The following ARAP2 variants were observed in gnomAD, a reference collection of about 807,000 sequenced individuals.
ARAP2 encodes ArfGAP with RhoGAP domain, ankyrin repeat and PH domain 2, also known as arf-GAP with Rho-GAP domain, ANK repeat and PH domain-containing protein 2.
In ARAP2, 148 loss-of-function variants were observed where a neutral mutation model predicts 194.5. That is an observed-to-expected ratio of 0.76 (90% confidence interval 0.67 to 0.87). The LOEUF (loss-of-function observed/expected upper bound fraction) is 0.87. Ranked by LOEUF, ARAP2 falls within the 40% of genes least tolerant of loss-of-function variation. ARAP2 has a pLI of 0.00. For synonymous variants in ARAP2, 695 were observed against 683.5 expected (o/e 1.02, Z -0.26); for missense variants, 2,128 against 1,989.7 (o/e 1.07, Z -1.32).
At chr4:36,200,440 A>G (rs1474652089) in intron 6 of ARAP2, among the ~76,000 whole-genome samples, 1 of 152,104 alleles carries the variant, frequency 6.6e-6, no homozygotes, top group East Asian at 1.9e-4. Context: ...TTTTTAGTAG[A>G]GATGGGGTTT....
chr4:36,224,233 A>G (rs200910277), intron 2 of ARAP2, among the ~76,000 whole-genome samples: 2 of 139,786 alleles, frequency 1.4e-5, no homozygotes, highest in Non-Finnish European at 3.2e-5. Flanking sequence ...ATAAATAAAT[A>G]AATGAATAAA....
chr4:36,158,629 T>G, intron 15 of ARAP2, 101 bp downstream of exon 15: 2 of 1,021,096 alleles, frequency 2.0e-6, no homozygotes, highest in East Asian at 2.7e-5. Context: ...TACTTGGAGA[T>G]CAAATCTAAC....
intron 20 of ARAP2, among the ~76,000 whole-genome samples, chr4:36,130,716 C>T (rs557656304): frequency 6.6e-6 from 1 of 151,968 alleles, no homozygotes; most frequent in South Asian, 2.1e-4. Context: ...AAAATTATGT[C>T]TTATTTTCTG....
At chr4:36,016,677 ACT>A (rs1233570628) in intron 6 of ARAP2, among the ~76,000 whole-genome samples, 1 of 152,094 alleles carries the variant, frequency 6.6e-6, no homozygotes, top group Non-Finnish European at 1.5e-5. Context: ...ACTTTTTGAT[ACT>A]CTTTTAATTT....
intron 14 of ARAP2, among the ~76,000 whole-genome samples, 166 bp downstream of exon 14, chr4:36,159,165 C>A (rs932606096): frequency 2.6e-5 from 4 of 152,164 alleles, no homozygotes; most frequent in African/African-American, 9.7e-5. Flanking sequence ...CTAAACTTTT[C>A]ATTGAAATGA....
At chr4:36,058,191 A>G (rs1216635018) in intron 1 of ARAP2, 3 of 152,216 alleles carry the variant, frequency 2.0e-5, no homozygotes, top group African/African-American at 7.2e-5. Context: ...TAGTATCATG[A>G]GACTACAAAC....
intron 30 of ARAP2, among the ~76,000 whole-genome samples, chr4:36,081,276 T>A (rs769637104): frequency 6.6e-6 from 1 of 152,104 alleles, no homozygotes. Context: ...TTGGGGCATT[T>A]GAGCTATGAT....
intron 9 of ARAP2, among the ~76,000 whole-genome samples, chr4:36,171,647 G>C (rs896911789): frequency 6.6e-6 from 1 of 151,964 alleles, no homozygotes; most frequent in Non-Finnish European, 1.5e-5. Flanking sequence ...TTGTGTACAT[G>C]TACCCTAAAA....
intron 8 of ARAP2, among the ~76,000 whole-genome samples, chr4:36,182,665 A>G (rs960729451): frequency 6.6e-6 from 1 of 152,174 alleles, no homozygotes; most frequent in African/African-American, 2.4e-5. Flanking sequence ...TCCTGATAGC[A>G]GTGGAGTTGT....
At chr4:36,206,510 C>T (rs1745565676) in intron 6 of ARAP2, among the ~76,000 whole-genome samples, 1 of 152,122 alleles carries the variant, frequency 6.6e-6, no homozygotes, top group South Asian at 2.1e-4. Flanking sequence ...GAGCATTTTA[C>T]CTAAAAATGC....
rs755661728 is a variant in ARAP2 at position 36,073,818 on chromosome 4, T to C, written c.4614A>G (p.Glu1538=). 12 of 1,612,764 alleles carry C rather than the reference T, an allele frequency of 7.4e-6. No homozygotes were observed. In the East Asian group the frequency reaches 2.0e-4, roughly 27 times the overall value. The change falls in exon 32 of 33, where the codon GAA becomes GAG. Residue 1538 remains glutamate (E), a synonymous_variant. Coordinates refer to ENST00000303965, the MANE Select transcript of ARAP2 (RefSeq NM_015230.4). The stretch of plus-strand genomic sequence containing the variant: ...TTCCAGCTGGTGGCCATATATCATA[T>C]TCATGCTGTGGAAACACAATTTCTT... The part of the protein sequence containing the change: ...WMTSIFIAQH[E]YDIWPPAGKE...
chr4:36,027,841 G>A (rs987003692), intron 5 of ARAP2, among the ~76,000 whole-genome samples: 4 of 152,092 alleles, frequency 2.6e-5, no homozygotes, highest in Admixed American at 6.6e-5. Flanking sequence ...ATGATTAAGA[G>A]TTTCAAGATG....
chr4:36,167,302 G>A (rs766469285), intron 9 of ARAP2, among the ~76,000 whole-genome samples: 2 of 152,076 alleles, frequency 1.3e-5, no homozygotes, highest in Non-Finnish European at 2.9e-5. Context: ...GACATGCTTT[G>A]CTTTTGAAAG....
At chr4:36,210,767 A>C (rs1490196824) in intron 5 of ARAP2, 24 bp from the exon 6 acceptor site, 3 of 1,485,066 alleles carry the variant, frequency 2.0e-6, no homozygotes, top group Non-Finnish European at 2.7e-6. Context: ...TGATGTAAAC[A>C]TTTCAAAGTG....
chr4:36,212,483 C>A lies in ARAP2; in HGVS notation c.1046G>T (p.Arg349Leu), dbSNP rs147244045. The stretch of plus-strand genomic sequence containing the variant: ...GGTCAAAAATTCATTCTTTATAGAT[C>A]GCTTCTATTAAAAAAGCAAACAAAC... The part of the protein sequence containing the change: ...LFQRLENSKK[R>L]SIKNEFLTQG... Residue 349 changes from arginine to leucine, a missense_variant, in exon 5 of 33, where the codon CGA becomes CTA. Coordinates refer to ENST00000303965, the MANE Select transcript of ARAP2 (RefSeq NM_015230.4). 1 of 1,609,976 alleles carries A rather than the reference C, an allele frequency of 6.2e-7. No homozygotes were observed. The highest frequency in any genetic ancestry group is 8.5e-7 in the Non-Finnish European group (1 of 1,177,406).
chr4:36,154,559 G>A, intron 15 of ARAP2, among the ~76,000 whole-genome samples: 1 of 152,032 alleles, frequency 6.6e-6, no homozygotes, highest in East Asian at 1.9e-4. Context: ...TTATTCAACT[G>A]TGTACTTAGG....
chr4:36,138,592 C>A (rs1213296379), intron 19 of ARAP2, among the ~76,000 whole-genome samples: 1 of 151,686 alleles, frequency 6.6e-6, no homozygotes, highest in Non-Finnish European at 1.5e-5. Context: ...ACATACCATA[C>A]TCTGTTAACA....
chr4:36,231,621 T>A (rs1327165138), intron 1 of ARAP2, among the ~76,000 whole-genome samples: 2 of 152,120 alleles, frequency 1.3e-5, no homozygotes, highest in Non-Finnish European at 2.9e-5. Context: ...TAGAATAAAG[T>A]ATAAAAAGTC....
At chr4:36,096,619 A>G (rs1376987374) in intron 27 of ARAP2, among the ~76,000 whole-genome samples, 1 of 152,056 alleles carries the variant, frequency 6.6e-6, no homozygotes, top group Admixed American at 6.6e-5. Context: ...TATATAACAA[A>G]CCCAATAGTT....
Sources: gnomAD v4.1 joint callset for allele counts (sites outside exome capture counted in the v4.1 genomes callset) on GRCh38, gnomAD v4.1.1 for gene constraint, MANE v1.5 for transcripts, NCBI Gene and HGNC (gene_info 2026-07-23, HGNC 2026-07-21) for gene names.